Variants in RB1 observed in about 807,000 individuals in gnomAD.
The protein encoded by RB1 is retinoblastoma-associated protein.
RB1 carries 18 observed loss-of-function variants against 135.4 expected under a neutral mutation model. That is an observed-to-expected ratio of 0.13 (90% CI 0.09 to 0.20). The LOEUF (loss-of-function observed/expected upper bound fraction) is 0.20, where lower values mean the gene tolerates loss of function less well. Ranked by LOEUF, RB1 falls within the 10% of genes least tolerant of loss-of-function variation. The pLI, the probability that RB1 is intolerant of heterozygous loss-of-function variation, is 1.00. For synonymous variants in RB1, 365 were observed against 373.2 expected (o/e 0.98, Z 0.25); for missense variants, 868 against 1,110.0 (o/e 0.78, Z 3.10).
chr13:48,476,513 A>G, intron 24 of RB1, 188 bp from the exon 25 acceptor site: 4 of 569,870 alleles, frequency 7.0e-6, no homozygotes, highest in Non-Finnish European at 1.2e-5. Flanking sequence ...TTAATTGGGG[A>G]TGGAATTAGG....
At chr13:48,356,323 T>G (rs1566190576) in intron 6 of RB1, among the ~76,000 whole-genome samples, 1 of 152,086 alleles carries the variant, frequency 6.6e-6, no homozygotes, top group African/African-American at 2.4e-5. Flanking sequence ...AGGTTCATAT[T>G]ACAGTGCTAC....
At chr13:48,381,047 G>A (rs1948530878) in intron 16 of RB1, among the ~76,000 whole-genome samples, 200 bp from the exon 17 acceptor site, 1 of 152,026 alleles carries the variant, frequency 6.6e-6, no homozygotes, top group Non-Finnish European at 1.5e-5. Context: ...CCTTTCTCTA[G>A]GAAAAACACA....
At chr13:48,452,086 G>GT (rs1461176986) in intron 17 of RB1, among the ~76,000 whole-genome samples, 3 of 151,904 alleles carry the variant, frequency 2.0e-5, no homozygotes, top group East Asian at 1.9e-4. Flanking sequence ...TTTTTTAAGG[G>GT]TTTTTTGTGT....
rs768169259 is a variant in RB1, at chr13:48,319,289, G to A, written c.264+11883G>A. 1.4e-6 allele frequency: 1 copy of A among 721,080 alleles called. No individual in the cohort carries two copies. Among genetic ancestry groups the A allele is most frequent in the Non-Finnish European group, 2.2e-6 (1 of 457,156 alleles). 44.7% of individuals were successfully genotyped at this position (721,080 alleles called of 1,614,324 possible). A position where few individuals can be genotyped will look rare whatever the true frequency, so the allele number is the denominator to read the frequency against. On this transcript the variant is annotated intron_variant, in intron 2 of 26. Transcript: ENST00000267163. The surrounding 1 kb of genome is among the most constrained non-coding windows in gnomAD (Gnocchi z 5.0). ...CTGCTTGTGCTGTGTGCGGGGTCAGGCGTCCTCTCTCCTCCCGGCGCTGGG... is the reference window on the plus strand; with the variant it reads ...CTGCTTGTGCTGTGTGCGGGGTCAGACGTCCTCTCTCCTCCCGGCGCTGGG...
chr13:48,364,030 T>C (rs1179578814), intron 8 of RB1, among the ~76,000 whole-genome samples: 1 of 152,182 alleles, frequency 6.6e-6, no homozygotes, highest in Non-Finnish European at 1.5e-5. Flanking sequence ...TCCTAAAATC[T>C]AGTTTAAGAA....
At chr13:48,310,625 A>C (rs1952122445) in intron 2 of RB1, among the ~76,000 whole-genome samples, 1 of 152,144 alleles carries the variant, frequency 6.6e-6, no homozygotes, top group African/African-American at 2.4e-5. Context: ...AATACCCCAG[A>C]AAATTTTATC....
At chr13:48,453,149 C>T (rs1359335014) in intron 18 of RB1, 38 bp downstream of exon 18, 6 of 1,566,960 alleles carry the variant, frequency 3.8e-6, no homozygotes, top group Middle Eastern at 1.7e-4. Flanking sequence ...ATTCAAACTG[C>T]AAATAGATTT....
intron 17 of RB1, among the ~76,000 whole-genome samples, chr13:48,409,613 G>A (rs915101156): frequency 1.0e-3 from 117 of 112,144 alleles, no homozygotes; most frequent in Non-Finnish European, 1.5e-3. Context: ...ATGGAGTCTC[G>A]CTCTGTCGCC....
chr13:48,319,697 CA>C lies in RB1; in HGVS notation c.264+12293del. ...TTGCGGCTAGCTCTTCGTGGGATTT[CA>C]AGAGTGACTTGGTCGAATTTTCGTT... On this transcript the variant is annotated intron_variant, in intron 2 of 26. Coordinates refer to ENST00000267163, the MANE Select transcript of RB1 (RefSeq NM_000321.3). This position sits in a 1 kb window ranked among gnomAD's most constrained non-coding sequence, Gnocchi z 5.0. The C allele has an allele frequency of 3.9e-6, 1 of 256,458 alleles. No individual in the cohort carries two copies. 15.9% of individuals were successfully genotyped at this position (256,458 alleles called of 1,614,324 possible).
At chr13:48,445,607 T>C (rs896686399) in intron 17 of RB1, among the ~76,000 whole-genome samples, 1 of 152,194 alleles carries the variant, frequency 6.6e-6, no homozygotes, top group Non-Finnish European at 1.5e-5. Flanking sequence ...GCGTCCATGT[T>C]ACCTTCCCAG....
Position 48,443,577 on chromosome 13 carries a change from A to G in RB1, c.1696-9416A>G, listed in dbSNP as rs1234101373. On this transcript the variant is annotated intron_variant, in intron 17 of 26. Coordinates refer to ENST00000267163, the MANE Select transcript of RB1 (RefSeq NM_000321.3). ...CATTCAAATAAAACCTTTTAAACTG[A>G]AAGTACTTTCATTCTTGTGTAAGGA... Among the ~76,000 whole-genome samples the G allele has an allele frequency of 2.0e-5, 3 of 152,224 alleles. No homozygotes were observed. In the East Asian group the frequency reaches 5.8e-4, roughly 29 times the overall value.
chr13:48,315,117 A>G (rs1952170358), intron 2 of RB1, among the ~76,000 whole-genome samples: 2 of 152,088 alleles, frequency 1.3e-5, no homozygotes, highest in South Asian at 4.1e-4. Flanking sequence ...GAACCTGTAA[A>G]TTGCTTTGGG....
intron 24 of RB1, among the ~76,000 whole-genome samples, chr13:48,474,718 C>T (rs1033246590): frequency 3.9e-5 from 6 of 151,986 alleles, no homozygotes; most frequent in African/African-American, 1.4e-4. Flanking sequence ...GTGAAAGTGG[C>T]AGAGCTTCAT....
intron 2 of RB1, among the ~76,000 whole-genome samples, chr13:48,311,181 A>T (rs2138039985): frequency 6.6e-6 from 1 of 152,342 alleles, no homozygotes; most frequent in East Asian, 1.9e-4. Flanking sequence ...ATAATGCCTG[A>T]ATGTGAACCT....
In RB1 at chr13:48,364,714, G is replaced by C. The variant is rs1052666948; in HGVS notation, c.862-180G>C. On this transcript the variant is annotated intron_variant, in intron 8 of 26. Transcript: ENST00000267163. ...ACCTGTGAATAGCCACTACACTTCA[G>C]CCTAGGCAATATAGAGAGACCCCTT... Among the ~76,000 whole-genome samples, 5 of 152,052 alleles carry C rather than the reference G, an allele frequency of 3.3e-5. No homozygotes were observed. The highest frequency in any genetic ancestry group is 7.4e-5 in the Non-Finnish European group (5 of 68,016).
chr13:48,421,955 G>A (rs1401577829), intron 17 of RB1, among the ~76,000 whole-genome samples: 2 of 152,176 alleles, frequency 1.3e-5, no homozygotes, highest in Non-Finnish European at 2.9e-5. Context: ...GGAAGACAGT[G>A]TGGCGATTCC....
At chr13:48,322,348 G>A (rs915853886) in intron 2 of RB1, among the ~76,000 whole-genome samples, 7 of 152,156 alleles carry the variant, frequency 4.6e-5, no homozygotes, top group African/African-American at 1.7e-4. Context: ...GCTGTATATA[G>A]AAATACAGGT....
At chr13:48,448,368 C>A (rs1016910840) in intron 17 of RB1, among the ~76,000 whole-genome samples, 1 of 152,122 alleles carries the variant, frequency 6.6e-6, no homozygotes, top group African/African-American at 2.4e-5. Flanking sequence ...TTTCTCCCCG[C>A]CATAAAATCC....
intron 2 of RB1, among the ~76,000 whole-genome samples, chr13:48,321,437 T>G (rs1952239988): frequency 6.6e-6 from 1 of 151,044 alleles, no homozygotes; most frequent in African/African-American, 2.4e-5. Flanking sequence ...TTTGACTTTT[T>G]AATAATGCTC....
Sources: allele counts gnomAD v4.1 joint callset (sites outside exome capture counted in the v4.1 genomes callset), GRCh38; gene constraint gnomAD v4.1.1; non-coding constraint Gnocchi (gnomAD v3.1); transcripts MANE v1.5; gene names NCBI Gene and HGNC (gene_info 2026-07-23, HGNC 2026-07-21).